The following CDC73 variants were observed in gnomAD, a reference collection of about 807,000 sequenced individuals.
The protein encoded by CDC73 is parafibromin.
In CDC73, 21 loss-of-function variants were observed where a neutral mutation model predicts 83.7. The observed-to-expected ratio is 0.25, with a 90% confidence interval of 0.18 to 0.36. The LOEUF is 0.36. Ranked by LOEUF, CDC73 falls within the 10% of genes least tolerant of loss-of-function variation. CDC73 has a pLI of 1.00. For missense variants in CDC73, 342 were observed against 653.3 expected (o/e 0.52, Z 5.19); for synonymous variants, 224 against 212.9 (o/e 1.05, Z -0.45).
At chr1:193,204,224 T>C (rs147459420) in intron 11 of CDC73, among the ~76,000 whole-genome samples, 8 of 12,974 alleles carry the variant, frequency 6.2e-4, no homozygotes, top group African/African-American at 1.8e-3. Flanking sequence ...TATGTATATA[T>C]ATGTATATAT....
intron 13 of CDC73, among the ~76,000 whole-genome samples, chr1:193,230,470 T>A: frequency 7.0e-6 from 1 of 142,736 alleles, no homozygotes; most frequent in East Asian, 2.0e-4. Context: ...TTTTTTTTTT[T>A]TTTTTTTTTT....
chr1:193,217,214 T>A (rs922129684), intron 13 of CDC73, among the ~76,000 whole-genome samples: 3 of 152,068 alleles, frequency 2.0e-5, no homozygotes, highest in African/African-American at 7.2e-5. Context: ...CACGGCATTG[T>A]CTAGGGGTGA....
At chr1:193,213,669 CT>C (rs1162935812) in intron 13 of CDC73, among the ~76,000 whole-genome samples, 1 of 152,088 alleles carries the variant, frequency 6.6e-6, no homozygotes, top group Non-Finnish European at 1.5e-5. Flanking sequence ...TCAAATTGTC[CT>C]GTTGTGTTAC....
chr1:193,223,729 C>T (rs1205264021), intron 13 of CDC73, among the ~76,000 whole-genome samples: 1 of 152,080 alleles, frequency 6.6e-6, no homozygotes, highest in African/African-American at 2.4e-5. Context: ...AATTGGTTTG[C>T]AAATCCAATG....
intron 14 of CDC73, among the ~76,000 whole-genome samples, chr1:193,235,756 G>A (rs1435901979): frequency 6.6e-6 from 1 of 152,120 alleles, no homozygotes; most frequent in Non-Finnish European, 1.5e-5. Flanking sequence ...TACTTCCTAA[G>A]TAATCACAAG....
chr1:193,170,891 T>G (rs565804165), intron 10 of CDC73, among the ~76,000 whole-genome samples: 8 of 152,180 alleles, frequency 5.3e-5, no homozygotes, highest in Non-Finnish European at 7.4e-5. Flanking sequence ...AACACATCTG[T>G]GAGCAAAGGG....
chr1:193,230,679 G>T (rs1677649086), intron 13 of CDC73, among the ~76,000 whole-genome samples: 1 of 152,014 alleles, frequency 6.6e-6, no homozygotes, highest in African/African-American at 2.4e-5. Flanking sequence ...AGTTTAATTG[G>T]CAGTAGTTTT....
chr1:193,244,971 A>G (rs568951650), intron 15 of CDC73, among the ~76,000 whole-genome samples: 91 of 152,310 alleles, frequency 6.0e-4, no homozygotes, highest in Middle Eastern at 3.4e-3. Flanking sequence ...GTAGTAGACA[A>G]TGTATGTTAG....
At chr1:193,216,002 G>A (rs956739261) in intron 13 of CDC73, among the ~76,000 whole-genome samples, 1 of 152,148 alleles carries the variant, frequency 6.6e-6, no homozygotes, top group Non-Finnish European at 1.5e-5. Flanking sequence ...CCTATATCAC[G>A]AAGTTAGATC....
intron 6 of CDC73, among the ~76,000 whole-genome samples, chr1:193,140,035 C>A: frequency 6.6e-6 from 1 of 152,260 alleles, no homozygotes; most frequent in Middle Eastern, 3.4e-3. Context: ...GTCTTCTGAC[C>A]TATGAATTCT....
chr1:193,145,050 T>G (rs1289334200), intron 7 of CDC73, among the ~76,000 whole-genome samples: 1 of 152,206 alleles, frequency 6.6e-6, no homozygotes, highest in East Asian at 1.9e-4. Flanking sequence ...ACAAATAATA[T>G]TAACAAGTAT....
At chr1:193,231,840 T>C (rs1677667951) in intron 13 of CDC73, among the ~76,000 whole-genome samples, 1 of 152,144 alleles carries the variant, frequency 6.6e-6, no homozygotes, top group South Asian at 2.1e-4. Flanking sequence ...TGCTTTTTGG[T>C]CCTTTCACCC....
rs973750447 is a variant in CDC73, at chr1:193,251,889, A to G, written c.*1177A>G. On this transcript the variant is annotated 3_prime_UTR_variant, in exon 17 of 17. Transcript: ENST00000367435. ...GGCAACTAGGAAGCTTTACTTTCCTAAAGTGTTTTTGCCATTGGAATTTTT... is the reference window on the plus strand; with the variant it reads ...GGCAACTAGGAAGCTTTACTTTCCTGAAGTGTTTTTGCCATTGGAATTTTT... The G allele has an allele frequency of 1.8e-4, 42 of 230,782 alleles. No individual in the cohort carries two copies. Among genetic ancestry groups the G allele is most frequent in the African/African-American group, 8.9e-4 (40 of 45,020 alleles). The allele number at this position is 230,782 out of a possible 1,614,324, so 14.3% of individuals were successfully genotyped here. A position where few individuals can be genotyped will look rare whatever the true frequency, so the allele number is the denominator to read the frequency against.
At chr1:193,160,407 AAT>A (rs1400967826) in intron 10 of CDC73, among the ~76,000 whole-genome samples, 5 of 152,128 alleles carry the variant, frequency 3.3e-5, no homozygotes, top group African/African-American at 7.2e-5. Flanking sequence ...CCAGTTTGGA[AAT>A]ATATTTTGTT....
chr1:193,137,936 G>T (rs1444206014), intron 5 of CDC73, 149 bp from the exon 6 acceptor site: 2 of 671,904 alleles, frequency 3.0e-6, no homozygotes, highest in Non-Finnish European at 2.7e-6. Context: ...TCTTTACGTA[G>T]CCAAAAGTAG....
intron 10 of CDC73, among the ~76,000 whole-genome samples, chr1:193,173,696 T>G (rs571566780): frequency 2.0e-5 from 3 of 152,300 alleles, no homozygotes; most frequent in African/African-American, 7.2e-5. Context: ...AGACTGGAAA[T>G]CCTGTGAATC....
intron 15 of CDC73, among the ~76,000 whole-genome samples, chr1:193,246,724 C>T (rs1427574483): frequency 6.6e-6 from 1 of 152,032 alleles, no homozygotes; most frequent in Non-Finnish European, 1.5e-5. Context: ...TCTCTTTATC[C>T]TCTAGCTTAA....
chr1:193,140,236 G>A lies in CDC73; in HGVS notation c.513-1614G>A, dbSNP rs1302186512. 2.6e-5 allele frequency among the ~76,000 whole-genome samples: 4 copies of A among 152,148 alleles called. No individual in the cohort carries two copies. The East Asian group carries it at 5.8e-4, about 22-fold the overall frequency. ...ACTGTCCTTCATTGCTTGATATCTA[G>A]CATCTAGTAAACCATTGTTTTATGT... On this transcript the variant is annotated intron_variant, in intron 6 of 16. Coordinates refer to ENST00000367435, the MANE Select transcript of CDC73 (RefSeq NM_024529.5).
intron 9 of CDC73, among the ~76,000 whole-genome samples, chr1:193,150,823 A>G (rs981624196): frequency 1.3e-5 from 2 of 152,200 alleles, no homozygotes; most frequent in African/African-American, 2.4e-5. Flanking sequence ...CCTGTCTCTT[A>G]CCATTATTGT....
Sources: allele counts gnomAD v4.1 joint callset (sites outside exome capture counted in the v4.1 genomes callset), GRCh38; gene constraint gnomAD v4.1.1; transcripts MANE v1.5; gene names NCBI Gene and HGNC (gene_info 2026-07-23, HGNC 2026-07-21).